The following NLGN1 variants were observed in gnomAD, a reference collection of about 807,000 sequenced individuals.
NLGN1 encodes the protein neuroligin-1.
A neutral mutation model predicts 65.5 loss-of-function variants in NLGN1; 12 were observed. The observed-to-expected ratio is 0.18, with a 90% CI of 0.12 to 0.30. The LOEUF (loss-of-function observed/expected upper bound fraction) is 0.30, where lower values mean the gene tolerates loss of function less well. Ranked by LOEUF, NLGN1 falls within the 10% of genes least tolerant of loss-of-function variation. NLGN1 has a pLI of 1.00. For missense variants in NLGN1, 750 were observed against 1,007.1 expected (o/e 0.74, Z 3.46); for synonymous variants, 350 against 359.5 (o/e 0.97, Z 0.30).
intron 4 of NLGN1, among the ~76,000 whole-genome samples, chr3:174,263,750 T>C (rs1264853): frequency 0.68 from 101,519 of 150,118 alleles, 35,231 homozygotes; most frequent in African/African-American, 0.81. Context: ...TGATTTTGCT[T>C]GTTAGTTGAC....
chr3:173,453,249 G>T (rs752972968), intron 2 of NLGN1, among the ~76,000 whole-genome samples: 2 of 151,900 alleles, frequency 1.3e-5, no homozygotes, highest in Non-Finnish European at 2.9e-5. Context: ...CAATACACCT[G>T]GCTAATGTTG....
At chr3:173,675,887 TCACACACACACA>T (rs35370304) in intron 3 of NLGN1, among the ~76,000 whole-genome samples, 3 of 138,578 alleles carry the variant, frequency 2.2e-5, no homozygotes, top group Non-Finnish European at 3.1e-5. Context: ...TCTCTCTCTC[TCACACACACACA>T]CACACACACA....
chr3:173,978,793 C>T (rs1026338187), intron 4 of NLGN1, among the ~76,000 whole-genome samples: 5 of 143,186 alleles, frequency 3.5e-5, no homozygotes, highest in East Asian at 2.1e-4. Context: ...GTCAGAAGTT[C>T]GAGACCAGCC....
intron 3 of NLGN1, among the ~76,000 whole-genome samples, chr3:173,723,577 T>TATACATATATGAACATACA (rs1181211336): frequency 2.0e-5 from 3 of 152,142 alleles, no homozygotes; most frequent in African/African-American, 7.2e-5. Context: ...GATGACCAAG[T>TATACATATATGAACATACA]TTGTTCATAT....
At chr3:173,657,587 G>T (rs1363037409) in intron 3 of NLGN1, among the ~76,000 whole-genome samples, 1 of 151,844 alleles carries the variant, frequency 6.6e-6, no homozygotes, top group African/African-American at 2.4e-5. Context: ...CTTTTAAAAT[G>T]TGAATGCTTT....
At chr3:173,807,906 T>C (rs1717010076) in intron 4 of NLGN1, 74 bp downstream of exon 4, 2 of 1,476,374 alleles carry the variant, frequency 1.4e-6, no homozygotes, top group East Asian at 4.5e-5. Flanking sequence ...ACTTGTTTTG[T>C]TCTGCTTTGC....
At chr3:173,417,814 T>C (rs937818416) in intron 1 of NLGN1, among the ~76,000 whole-genome samples, 2 of 151,978 alleles carry the variant, frequency 1.3e-5, no homozygotes, top group African/African-American at 4.8e-5. Context: ...AAATTAACTA[T>C]GTTTTTTAGG....
chr3:173,794,915 A>G (rs1713696334), intron 3 of NLGN1, among the ~76,000 whole-genome samples: 2 of 152,136 alleles, frequency 1.3e-5, no homozygotes, highest in Non-Finnish European at 2.9e-5. Flanking sequence ...TCAGTGTACT[A>G]GAGCAGAGAA....
At chr3:173,856,130 A>G (rs1727901163) in intron 4 of NLGN1, among the ~76,000 whole-genome samples, 2 of 152,142 alleles carry the variant, frequency 1.3e-5, no homozygotes, top group Admixed American at 1.3e-4. Flanking sequence ...TACTTCGTCA[A>G]GTGTACAGCT....
chr3:173,877,487 A>G (rs1732364266), intron 4 of NLGN1, among the ~76,000 whole-genome samples: 1 of 152,100 alleles, frequency 6.6e-6, no homozygotes, highest in Admixed American at 6.6e-5. Flanking sequence ...ACAGAGAAAA[A>G]AAAAAAGTGA....
chr3:173,759,890 A>T (rs1218254915), intron 3 of NLGN1, among the ~76,000 whole-genome samples: 1 of 151,730 alleles, frequency 6.6e-6, no homozygotes. Context: ...TAAGGGCTTT[A>T]TTGTTTTATA....
intron 4 of NLGN1, among the ~76,000 whole-genome samples, chr3:173,948,520 T>C (rs1747599492): frequency 1.3e-5 from 2 of 152,104 alleles, no homozygotes; most frequent in African/African-American, 4.8e-5. Flanking sequence ...TTGTCCTCTG[T>C]AGAAGGGTGA....
chr3:173,941,657 T>C (rs944968858), intron 4 of NLGN1, among the ~76,000 whole-genome samples: 2 of 151,958 alleles, frequency 1.3e-5, no homozygotes, highest in African/African-American at 4.8e-5. Flanking sequence ...CTGAGATAGA[T>C]AGATAATAGA....
At chr3:173,623,247 A>G (rs1754297665) in intron 3 of NLGN1, among the ~76,000 whole-genome samples, 1 of 152,130 alleles carries the variant, frequency 6.6e-6, no homozygotes, top group Non-Finnish European at 1.5e-5. Context: ...TTGGATGCTT[A>G]TAGCAGTGGG....
At chr3:173,524,115 A>G (rs557418701) in intron 2 of NLGN1, among the ~76,000 whole-genome samples, 21 of 150,856 alleles carry the variant, frequency 1.4e-4, no homozygotes, top group African/African-American at 4.6e-4. Flanking sequence ...TTTAGTAGAC[A>G]CGGGGTTTCA....
intron 4 of NLGN1, among the ~76,000 whole-genome samples, chr3:173,996,726 A>G (rs1722347135): frequency 6.6e-6 from 1 of 152,218 alleles, no homozygotes; most frequent in Admixed American, 6.5e-5. Flanking sequence ...ACTTTGGACT[A>G]CTTCAGACTA....
intron 4 of NLGN1, among the ~76,000 whole-genome samples, chr3:173,953,365 A>G (rs1473698678): frequency 6.6e-6 from 1 of 152,156 alleles, no homozygotes; most frequent in Admixed American, 6.5e-5. Context: ...TTTCTTGCAG[A>G]AAAAGCTTCA....
At chr3:173,436,300 A>G (rs1718126395) in intron 2 of NLGN1, among the ~76,000 whole-genome samples, 1 of 152,212 alleles carries the variant, frequency 6.6e-6, no homozygotes, top group Non-Finnish European at 1.5e-5. Context: ...AAATTATTTC[A>G]GAGTAGTTAT....
chr3:173,794,827 T>G (rs1317577640), intron 3 of NLGN1, among the ~76,000 whole-genome samples: 1 of 152,174 alleles, frequency 6.6e-6, no homozygotes, highest in Non-Finnish European at 1.5e-5. Flanking sequence ...TGGAATTGCT[T>G]TTGACATCAA....
Sources: gnomAD v4.1 joint callset for allele counts (sites outside exome capture counted in the v4.1 genomes callset) on GRCh38, gnomAD v4.1.1 for gene constraint, MANE v1.5 for transcripts, NCBI Gene and HGNC (gene_info 2026-07-23, HGNC 2026-07-21) for gene names.